The following ZFAT variants were observed in gnomAD, a reference collection of about 807,000 sequenced individuals.
ZFAT encodes zinc finger and AT-hook domain containing.
A neutral mutation model predicts 117.7 loss-of-function variants in ZFAT; 64 were observed. That is an observed-to-expected ratio of 0.54 (90% CI 0.44 to 0.67). The LOEUF (loss-of-function observed/expected upper bound fraction) is 0.67. ZFAT is among the 30% of genes least tolerant of loss of function. The probability of loss-of-function intolerance (pLI) is 0.00; values close to 1 mark genes in which losing one functional copy is unlikely to be tolerated. For missense variants in ZFAT, 1,433 were observed against 1,584.5 expected (o/e 0.90, Z 1.62); for synonymous variants, 679 against 615.0 (o/e 1.10, Z -1.54).
At chr8:134,804,740 A>G in the ZFAT span, 1 of 377,578 alleles carries the variant, frequency 2.6e-6, no homozygotes, top group South Asian at 2.1e-5. Flanking sequence ...CCTACATTCA[A>G]CTATCATAAT....
intron 5 of ZFAT, among the ~76,000 whole-genome samples, chr8:134,603,544 A>G (rs894677456): frequency 1.3e-5 from 2 of 152,180 alleles, no homozygotes; most frequent in African/African-American, 4.8e-5. Flanking sequence ...CCTTTCTGCA[A>G]GTTTCCATGT....
intron 10 of ZFAT, among the ~76,000 whole-genome samples, chr8:134,579,503 A>G (rs920942358): frequency 2.0e-5 from 3 of 152,202 alleles, no homozygotes; most frequent in Admixed American, 6.5e-5. Context: ...AACTGCCCCC[A>G]TGATTCAATT....
At position 134,543,482 on chromosome 8, in the gene ZFAT, A is replaced by G. The variant is rs147950832; in HGVS notation, c.2977-10510T>C. 7.4e-3 allele frequency among the ~76,000 whole-genome samples: 1,122 copies of G among 152,334 alleles called. 9 individuals carry two copies. Among genetic ancestry groups the G allele is most frequent in the Non-Finnish European group, 0.012 (817 of 68,030 alleles). ...AGAACACTCCCCACCTGCTCTCTCTACTTCACTAACTTTCAGGACAACTTC... is the reference window on the plus strand; with the variant it reads ...AGAACACTCCCCACCTGCTCTCTCTGCTTCACTAACTTTCAGGACAACTTC... On this transcript the variant is annotated intron_variant, in intron 11 of 15. Coordinates refer to ENST00000377838, the MANE Select transcript of ZFAT (RefSeq NM_020863.4).
intron 3 of ZFAT, among the ~76,000 whole-genome samples, chr8:134,633,515 A>G (rs1830021662): frequency 6.6e-6 from 1 of 152,222 alleles, no homozygotes; most frequent in South Asian, 2.1e-4. Flanking sequence ...CTAGAGACCA[A>G]TGAAGCAAAA....
the ZFAT span, among the ~76,000 whole-genome samples, chr8:134,816,938 G>T: frequency 3.4e-5 from 5 of 148,280 alleles, no homozygotes; most frequent in Admixed American, 3.4e-4. Flanking sequence ...CAGAGATCAT[G>T]CCACCGCACT....
chr8:134,683,783 G>T (rs1194970889), intron 1 of ZFAT, among the ~76,000 whole-genome samples: 1 of 152,104 alleles, frequency 6.6e-6, no homozygotes, highest in Non-Finnish European at 1.5e-5. Flanking sequence ...CTGGAGACAG[G>T]GGGTGGGGCA....
the ZFAT span, among the ~76,000 whole-genome samples, chr8:134,736,324 A>G: frequency 1.3e-5 from 2 of 152,238 alleles, no homozygotes; most frequent in Admixed American, 1.3e-4. Context: ...GACCCTCATG[A>G]CGACCTTTCA....
chr8:134,499,978 T>C (rs111363582), intron 15 of ZFAT, among the ~76,000 whole-genome samples: 2,298 of 152,200 alleles, frequency 0.015, 61 homozygotes, highest in African/African-American at 0.051. Context: ...CCGGCCAGGA[T>C]GGAGACTACT....
In ZFAT at chr8:134,532,980, G is replaced by T. The variant is rs1384587465; in HGVS notation, c.2977-8C>A. ...ATGGGCACAGCGGAAAGGCTGCGGG[G>T]ACAATGAGGAGGGGTTAGGAAAGGT... is the stretch of plus-strand genomic sequence containing the variant. On this transcript the variant is annotated splice_region_variant and splice_polypyrimidine_tract_variant and intron_variant, in intron 11 of 15. Transcript: ENST00000377838. The T allele has an allele frequency of 3.8e-6, 6 of 1,595,688 alleles. No homozygotes were observed. In the African/African-American group the frequency reaches 6.7e-5, roughly 18 times the overall value.
the ZFAT span, among the ~76,000 whole-genome samples, chr8:134,726,358 A>G: frequency 1.3e-5 from 2 of 152,164 alleles, no homozygotes; most frequent in African/African-American, 4.8e-5. Flanking sequence ...TGACTGCATG[A>G]GCAGTGGCCT....
At chr8:134,599,397 A>G in intron 7 of ZFAT, 1 of 220,396 alleles carries the variant, frequency 4.5e-6, no homozygotes, top group Non-Finnish European at 9.2e-6. Context: ...ATATGTGTGT[A>G]TATGCATATG....
chr8:134,743,696 C>T, the ZFAT span, among the ~76,000 whole-genome samples: 2 of 152,120 alleles, frequency 1.3e-5, no homozygotes, highest in African/African-American at 4.8e-5. Context: ...CACAGAGTCT[C>T]ACCTGGGGAG....
At chr8:134,785,594 T>C in the ZFAT span, 20 of 152,118 alleles carry the variant, frequency 1.3e-4, no homozygotes, top group East Asian at 3.9e-3. Context: ...GACATGCAAT[T>C]GTCCTAGTGC....
the ZFAT span, among the ~76,000 whole-genome samples, chr8:134,769,655 C>T: frequency 1.3e-5 from 2 of 152,148 alleles, no homozygotes; most frequent in Non-Finnish European, 2.9e-5. Context: ...CTAAGTGGTG[C>T]CCCAGTAGGG....
intron 13 of ZFAT, 71 bp from the exon 14 acceptor site, chr8:134,512,672 T>A: frequency 1.3e-6 from 2 of 1,553,022 alleles, no homozygotes; most frequent in Non-Finnish European, 1.7e-6. Context: ...CAAGATAACA[T>A]ACTAAGATAG....
chr8:134,527,134 T>C (rs2130520302), intron 12 of ZFAT, among the ~76,000 whole-genome samples: 1 of 152,260 alleles, frequency 6.6e-6, no homozygotes, highest in African/African-American at 2.4e-5. Flanking sequence ...CCACTGGCCA[T>C]TTCTGGCTTT....
rs757857782 is a variant in ZFAT at position 134,601,838 on chromosome 8, T to A, written c.1881A>T (p.Gln627His). The change falls in exon 6 of 16, where the codon CAA becomes CAT. Residue 627 changes from glutamine (Q) to histidine (H), a missense_variant. Physicochemically the swap from Gln to His is conservative, Grantham distance 24. This residue lies in a region of ZFAT where 372 missense variants were observed against 355.6 expected (regional missense o/e 1.05). Coordinates refer to ENST00000377838, the MANE Select transcript of ZFAT (RefSeq NM_020863.4). ...ACAGCAGTAGTGTGATCACTTCACC[T>A]TGCGTCTGGACTGAGCTTCTGTGCT... ...DMQHRSSVQT[Q>H]GEVITLLLSK... 13 of 1,612,900 alleles carry A rather than the reference T, an allele frequency of 8.1e-6. No homozygotes were observed. The highest frequency in any genetic ancestry group is 5.0e-5 in the Admixed American group (3 of 59,940).
intron 15 of ZFAT, among the ~76,000 whole-genome samples, chr8:134,490,515 G>A (rs568459293): frequency 2.4e-4 from 37 of 152,342 alleles, no homozygotes; most frequent in African/African-American, 8.9e-4. Flanking sequence ...CCCAAAAGAT[G>A]CCTGTGCCTT....
At chr8:134,497,906 T>C (rs1163645666) in intron 15 of ZFAT, among the ~76,000 whole-genome samples, 2 of 133,166 alleles carry the variant, frequency 1.5e-5, no homozygotes, top group Non-Finnish European at 3.2e-5. Context: ...TTTGGTAGGG[T>C]TGGGGTGGAG....
Sources: gnomAD v4.1 joint callset for allele counts (sites outside exome capture counted in the v4.1 genomes callset) on GRCh38, gnomAD v4.1.1 for gene constraint, gnomAD v4.1.1 regional missense constraint, MANE v1.5 for transcripts, NCBI Gene and HGNC (gene_info 2026-07-23, HGNC 2026-07-21) for gene names.